The following SLC24A2 variants were observed in gnomAD, a reference collection of about 807,000 sequenced individuals.
SLC24A2 encodes sodium/potassium/calcium exchanger 2.
SLC24A2 carries 36 observed loss-of-function variants against 62.0 expected under a neutral mutation model. That is an observed-to-expected ratio of 0.58 (90% CI 0.44 to 0.77). SLC24A2 has a LOEUF of 0.77. Ranked by LOEUF, SLC24A2 falls within the 30% of genes least tolerant of loss-of-function variation. The probability of loss-of-function intolerance (pLI) is 0.00; values close to 1 mark genes in which losing one functional copy is unlikely to be tolerated. For missense variants in SLC24A2, 846 were observed against 817.9 expected (o/e 1.03, Z -0.42); for synonymous variants, 358 against 294.0 (o/e 1.22, Z -2.23).
chr9:20,188,929 G>T, the SLC24A2 span, among the ~76,000 whole-genome samples: 4 of 152,204 alleles, frequency 2.6e-5, no homozygotes, highest in South Asian at 4.2e-4. Flanking sequence ...CAGCAGCATT[G>T]GGAAATTAAT....
At chr9:20,020,873 G>C in the SLC24A2 span, among the ~76,000 whole-genome samples, 1 of 152,056 alleles carries the variant, frequency 6.6e-6, no homozygotes, top group African/African-American at 2.4e-5. Flanking sequence ...GGAAATCAAA[G>C]GTTTCATTAT....
At chr9:19,920,050 T>A in the SLC24A2 span, among the ~76,000 whole-genome samples, 4 of 152,146 alleles carry the variant, frequency 2.6e-5, no homozygotes, top group African/African-American at 7.2e-5. Context: ...AATATCCTAT[T>A]TATTTGTGTT....
chr9:19,770,500 T>A (rs1254933544), intron 2 of SLC24A2, among the ~76,000 whole-genome samples: 1 of 152,196 alleles, frequency 6.6e-6, no homozygotes, highest in Non-Finnish European at 1.5e-5. Context: ...CTTGTCACAG[T>A]CTCTTCATGT....
the SLC24A2 span, among the ~76,000 whole-genome samples, chr9:20,019,253 G>GAGAAAGAAAGAAAGAA: frequency 0.012 from 1,338 of 109,642 alleles, 27 homozygotes; most frequent in South Asian, 0.013. Context: ...AAGAAGGAAA[G>GAGAAAGAAAGAAAGAA]AGAAAGAAAG....
At chr9:19,935,966 T>C in the SLC24A2 span, among the ~76,000 whole-genome samples, 2 of 152,186 alleles carry the variant, frequency 1.3e-5, no homozygotes, top group African/African-American at 4.8e-5. Context: ...TTAAAATATT[T>C]AGGAAGGACA....
rs1369531284 is a variant in SLC24A2, at chr9:19,514,099, C to T, written c.*2054G>A. 1 of 152,160 alleles carries T rather than the reference C, an allele frequency of 6.6e-6. No individual in the cohort carries two copies. Among genetic ancestry groups the T allele is most frequent in the East Asian group, 1.9e-4 (1 of 5,196 alleles). 9.4% of individuals were successfully genotyped at this position (152,160 alleles called of 1,614,324 possible). ...CTTGATTTCTTGTTTTCCCAGGGGG[C>T]CTCGGGTTTGAAGTGCTTTTTACTT... On this transcript the variant is annotated 3_prime_UTR_variant, in exon 11 of 11. Coordinates refer to ENST00000341998, the MANE Select transcript of SLC24A2 (RefSeq NM_020344.4).
At chr9:19,678,043 C>G (rs2118368663) in intron 2 of SLC24A2, among the ~76,000 whole-genome samples, 1 of 152,268 alleles carries the variant, frequency 6.6e-6, no homozygotes, top group South Asian at 2.1e-4. Flanking sequence ...GTCGCAGTAG[C>G]TTCGCAGATC....
the SLC24A2 span, among the ~76,000 whole-genome samples, chr9:19,936,673 C>A: frequency 6.6e-6 from 1 of 152,122 alleles, no homozygotes; most frequent in Non-Finnish European, 1.5e-5. Flanking sequence ...ATGGTATGAA[C>A]TGTAGAAGAA....
chr9:19,553,642 G>T (rs1394913129), intron 7 of SLC24A2, among the ~76,000 whole-genome samples: 2 of 152,204 alleles, frequency 1.3e-5, no homozygotes, highest in Admixed American at 6.5e-5. Flanking sequence ...GTAGGTGGTA[G>T]AGAATCAGGA....
intron 2 of SLC24A2, among the ~76,000 whole-genome samples, chr9:19,744,870 A>T (rs17578779): frequency 0.19 from 28,749 of 152,094 alleles, 3,074 homozygotes; most frequent in Non-Finnish European, 0.25. Context: ...TCTTTTCCAC[A>T]TCCACGGTTC....
the SLC24A2 span, among the ~76,000 whole-genome samples, chr9:20,103,457 G>A: frequency 9.7e-4 from 148 of 152,296 alleles, 1 homozygote; most frequent in South Asian, 3.7e-3. Flanking sequence ...CCCAGCAGGG[G>A]CAGACTGACA....
chr9:19,832,296 C>T, the SLC24A2 span, among the ~76,000 whole-genome samples: 1 of 152,194 alleles, frequency 6.6e-6, no homozygotes, highest in Admixed American at 6.5e-5. Context: ...TTTTAAATGA[C>T]TAACTACTTC....
the SLC24A2 span, among the ~76,000 whole-genome samples, chr9:19,892,024 A>G: frequency 6.6e-6 from 1 of 152,174 alleles, no homozygotes; most frequent in African/African-American, 2.4e-5. Context: ...TCACCTCTTC[A>G]GATTGAGTTC....
At chr9:20,081,689 CTTCCAAATGAATTG>C in the SLC24A2 span, among the ~76,000 whole-genome samples, 15 of 152,252 alleles carry the variant, frequency 9.9e-5, no homozygotes, top group South Asian at 2.1e-4. Flanking sequence ...ACCTAATTCT[CTTCCAAATGAATTG>C]TTCCCAGTGT....
intron 8 of SLC24A2, among the ~76,000 whole-genome samples, chr9:19,534,294 C>T (rs535605298): frequency 1.3e-5 from 2 of 152,244 alleles, no homozygotes; most frequent in Admixed American, 6.5e-5. Context: ...TGTGGCCATG[C>T]CTGGTTTCCT....
At chr9:20,278,297 A>C in the SLC24A2 span, among the ~76,000 whole-genome samples, 1 of 152,206 alleles carries the variant, frequency 6.6e-6, no homozygotes. Context: ...ATCAGGCTGC[A>C]AAATTTTTGA....
chr9:19,932,339 T>C, the SLC24A2 span, among the ~76,000 whole-genome samples: 2 of 152,238 alleles, frequency 1.3e-5, no homozygotes, highest in African/African-American at 4.8e-5. Context: ...AATAATGTTA[T>C]ACAAATTATG....
At chr9:20,128,788 A>T in the SLC24A2 span, among the ~76,000 whole-genome samples, 1 of 152,110 alleles carries the variant, frequency 6.6e-6, no homozygotes, top group African/African-American at 2.4e-5. Context: ...CCCTTACCTC[A>T]TACCACATAC....
chr9:19,560,218 G>A (rs1302410287), intron 7 of SLC24A2, among the ~76,000 whole-genome samples: 1 of 152,136 alleles, frequency 6.6e-6, no homozygotes, highest in Non-Finnish European at 1.5e-5. Flanking sequence ...ATAGAAACCA[G>A]AGAGCTGTAT....
Sources: allele counts gnomAD v4.1 joint callset (sites outside exome capture counted in the v4.1 genomes callset), GRCh38; gene constraint gnomAD v4.1.1; transcripts MANE v1.5; gene names NCBI Gene and HGNC (gene_info 2026-07-23, HGNC 2026-07-21).